PLEKHG3: variants seen among roughly 807,000 people sequenced by gnomAD.
PLEKHG3 encodes pleckstrin homology and RhoGEF domain containing G3, also known as pleckstrin homology domain-containing family G member 3.
Under a neutral mutation model 94.9 loss-of-function variants are expected in PLEKHG3, and 62 were observed. The observed-to-expected ratio is 0.65, with a 90% CI of 0.53 to 0.81. The LOEUF is 0.81. Ranked by LOEUF, PLEKHG3 falls within the 30% of genes least tolerant of loss-of-function variation. The pLI is 0.00. For missense variants in PLEKHG3, 1,461 were observed against 1,619.3 expected, an observed-to-expected ratio of 0.90 and a Z score of 1.68; for synonymous variants, 614 against 654.0, an observed-to-expected ratio of 0.94 and a Z score of 0.93.
chr14:64,735,568 C>T (rs1362489545), intron 12 of PLEKHG3, among the ~76,000 whole-genome samples: 4 of 152,338 alleles, frequency 2.6e-5, no homozygotes, highest in African/African-American at 9.6e-5. Context: ...GGATATCGTG[C>T]CCCTGCACCC....
At chr14:64,713,713 C>T (rs1200001638) in intron 1 of PLEKHG3, among the ~76,000 whole-genome samples, 1 of 151,984 alleles carries the variant, frequency 6.6e-6, no homozygotes, top group African/African-American at 2.4e-5. Context: ...ATCCTTAGTT[C>T]TAGAAAGTTC....
rs1430144205 is a variant in PLEKHG3 at position 64,722,392 on chromosome 14, A to G, written c.-39-5201A>G. Reference sequence around the variant, plus strand: ...CCCGGCTAATTTTTGTATTTTTAGTAGAGATGGGGTTTCCTCATATTGGTC... The same window carrying G: ...CCCGGCTAATTTTTGTATTTTTAGTGGAGATGGGGTTTCCTCATATTGGTC... On this transcript the variant is annotated intron_variant, in intron 1 of 16. Coordinates refer to ENST00000247226, the MANE Select transcript of PLEKHG3 (RefSeq NM_001308147.2). This position sits in a 1 kb window ranked among gnomAD's most constrained non-coding sequence, Gnocchi z 4.3. Among the ~76,000 whole-genome samples, 3 of 152,114 alleles carry G rather than the reference A, an allele frequency of 2.0e-5. No individual in the cohort carries two copies. Among genetic ancestry groups the G allele is most frequent in the Non-Finnish European group, 4.4e-5 (3 of 68,026 alleles).
intron 16 of PLEKHG3, 145 bp downstream of exon 16, chr14:64,742,600 G>T (rs1386863428): frequency 3.0e-6 from 2 of 656,494 alleles, no homozygotes; most frequent in Non-Finnish European, 5.1e-6. Context: ...AGGGCACAGG[G>T]TGAGCCCTGG....
In PLEKHG3 at chr14:64,747,829, C is replaced by T. The variant is rs994860150; in HGVS notation, c.*4126C>T. 3.1e-5 allele frequency: 4 copies of T among 130,952 alleles called. No individual in the cohort carries two copies. Among genetic ancestry groups the T allele is most frequent in the African/African-American group, 1.1e-4 (4 of 35,932 alleles). 8.1% of individuals were successfully genotyped at this position (130,952 alleles called of 1,614,324 possible). On this transcript the variant is annotated 3_prime_UTR_variant, in exon 17 of 17. Coordinates refer to ENST00000247226, the MANE Select transcript of PLEKHG3 (RefSeq NM_001308147.2). ...TCCCCCCCACCCCCGACCCGCTTGA[C>T]TGCTCTCTTGGACCTAACCCTAGTT...
intron 1 of PLEKHG3, among the ~76,000 whole-genome samples, chr14:64,707,960 A>G (rs1003770698): frequency 3.3e-5 from 5 of 152,262 alleles, no homozygotes; most frequent in African/African-American, 1.2e-4. Context: ...AGCAAAGACT[A>G]TAGAGAGGTT....
rs1253570631 is a variant in PLEKHG3, at chr14:64,730,701, G to T, written c.566+13G>T. 1.9e-6 allele frequency: 3 copies of T among 1,612,770 alleles called. No individual in the cohort carries two copies. Among genetic ancestry groups the T allele is most frequent in the South Asian group, 2.2e-5 (2 of 91,056 alleles). On this transcript the variant is annotated intron_variant, in intron 5 of 16. Transcript: ENST00000247226. This position sits in a 1 kb window ranked among gnomAD's most constrained non-coding sequence, Gnocchi z 5.4. ...ACAATTACCCCAAGTGAGTAATTGG[G>T]GTGAGAGGGAAGGCAGAGCCATTTG... is the stretch of plus-strand genomic sequence containing the variant.
At position 64,744,979 on chromosome 14, in the gene PLEKHG3, T is replaced by C. The variant is rs946925515; in HGVS notation, c.*1276T>C. The C allele has an allele frequency of 3.3e-5, 5 of 152,170 alleles. No homozygotes were observed. The highest frequency in any genetic ancestry group is 1.2e-4 in the African/African-American group (5 of 41,416). 9.4% of individuals were successfully genotyped at this position (152,170 alleles called of 1,614,324 possible). On this transcript the variant is annotated 3_prime_UTR_variant, in exon 17 of 17. Coordinates refer to ENST00000247226, the MANE Select transcript of PLEKHG3 (RefSeq NM_001308147.2). Reference sequence around the variant, plus strand: ...TTAGTAGAGACGGGGTTTCGCCGTGTTGACCAGGCTGGTCTCGAACTTCTG... The same window carrying C: ...TTAGTAGAGACGGGGTTTCGCCGTGCTGACCAGGCTGGTCTCGAACTTCTG...
chr14:64,727,083 A>C lies in PLEKHG3; in HGVS notation c.-39-510A>C, dbSNP rs1013553797. Among the ~76,000 whole-genome samples, 1 of 152,130 alleles carries C rather than the reference A, an allele frequency of 6.6e-6. No homozygotes were observed. Among genetic ancestry groups the C allele is most frequent in the Non-Finnish European group, 1.5e-5 (1 of 68,028 alleles). On this transcript the variant is annotated intron_variant, in intron 1 of 16. Transcript: ENST00000247226. The surrounding 1 kb of genome is among the most constrained non-coding windows in gnomAD (Gnocchi z 6.0). Reference sequence around the variant, plus strand: ...TGCCAGGCATCATGCTCAGAGCTTTACGAACAGCAGGTGGCTTCATCTGGG... The same window carrying C: ...TGCCAGGCATCATGCTCAGAGCTTTCCGAACAGCAGGTGGCTTCATCTGGG...
chr14:64,737,805 G>A (rs1594705875), intron 14 of PLEKHG3: 2 of 948,660 alleles, frequency 2.1e-6, no homozygotes, highest in Non-Finnish European at 2.7e-6. Flanking sequence ...GCTGCCTGCA[G>A]GAGGACGGGA....
At position 64,732,300 on chromosome 14, in the gene PLEKHG3, T is replaced by C. The variant is rs1028121584; in HGVS notation, c.1212+119T>C. 2 of 1,218,428 alleles carry C rather than the reference T, an allele frequency of 1.6e-6. No homozygotes were observed. Among genetic ancestry groups the C allele is most frequent in the African/African-American group, 1.5e-5 (1 of 67,240 alleles). 75.5% of individuals were successfully genotyped at this position (1,218,428 alleles called of 1,614,324 possible). A position where few individuals can be genotyped will look rare whatever the true frequency, so the allele number is the denominator to read the frequency against. On this transcript the variant is annotated intron_variant, in intron 10 of 16. Transcript: ENST00000247226. The surrounding 1 kb of genome is among the most constrained non-coding windows in gnomAD (Gnocchi z 4.9). ...GGCTCCAGTGGACAGTGAGTGTCAG[T>C]ACAGCAGATGCCCCGGGCCTTGGTG...
At chr14:64,740,368 CAA>C (rs1009427011) in intron 15 of PLEKHG3, among the ~76,000 whole-genome samples, 1 of 152,216 alleles carries the variant, frequency 6.6e-6, no homozygotes, top group Non-Finnish European at 1.5e-5. Flanking sequence ...TCAAGGTGGT[CAA>C]GAGGGAATTC....
In PLEKHG3 at chr14:64,747,993, G is replaced by A. The variant is rs2081874770; in HGVS notation, c.*4290G>A. On this transcript the variant is annotated 3_prime_UTR_variant, in exon 17 of 17. Coordinates refer to ENST00000247226, the MANE Select transcript of PLEKHG3 (RefSeq NM_001308147.2). ...GGGGACGTTGGTTGCAGAGCTTCTG[G>A]TGCTCAGGGCTGGAGGGTGGTAGAT... is the stretch of plus-strand genomic sequence containing the variant. The A allele has an allele frequency of 6.6e-6, 1 of 152,152 alleles. No homozygotes were observed. The highest frequency in any genetic ancestry group is 1.5e-5 in the Non-Finnish European group (1 of 68,074). 9.4% of individuals were successfully genotyped at this position (152,152 alleles called of 1,614,324 possible). A position where few individuals can be genotyped will look rare whatever the true frequency, so the allele number is the denominator to read the frequency against.
rs1444028820 is a variant in PLEKHG3, at chr14:64,750,187, T to A, written c.*6484T>A. The A allele has an allele frequency of 1.9e-6, 3 of 1,605,248 alleles. No homozygotes were observed. In the Admixed American group the frequency reaches 5.0e-5, roughly 27 times the overall value. On this transcript the variant is annotated 3_prime_UTR_variant, in exon 17 of 17. Coordinates refer to ENST00000247226, the MANE Select transcript of PLEKHG3 (RefSeq NM_001308147.2). ...GATGCAGACAGGCAGGTCACCCACA[T>A]CCTGATATGGTATCTCTAGAGTCAA...
In PLEKHG3 at chr14:64,743,490, G is replaced by T; in HGVS notation, c.3447G>T (p.Lys1149Asn). 1 of 1,613,212 alleles carries T rather than the reference G, an allele frequency of 6.2e-7. No individual in the cohort carries two copies. The change falls in exon 17 of 17, where the codon AAG (lysine) becomes AAT (asparagine). Residue 1149 changes from lysine to asparagine, a missense_variant. Transcript: ENST00000247226. This position sits in a 1 kb window ranked among gnomAD's most constrained non-coding sequence, Gnocchi z 7.2. ...ACCGGCGGGTGATTGTCATGGAGAA[G>T]GGACCCCTTCCCAGCCCCACTGCAG... is the stretch of plus-strand genomic sequence containing the variant. ...EDNRRVIVME[K>N]GPLPSPTAGL...
chr14:64,723,376 G>A lies in PLEKHG3; in HGVS notation c.-39-4217G>A, dbSNP rs2081298277. Among the ~76,000 whole-genome samples the A allele has an allele frequency of 6.6e-6, 1 of 152,128 alleles. No homozygotes were observed. Among genetic ancestry groups the A allele is most frequent in the African/African-American group, 2.4e-5 (1 of 41,414 alleles). ...TCGCTTGAGGTCGAGGCTGCAATGA[G>A]CTGTGATTGCACCACTGCACTCCAG... On this transcript the variant is annotated intron_variant, in intron 1 of 16. Transcript: ENST00000247226. This position sits in a 1 kb window ranked among gnomAD's most constrained non-coding sequence, Gnocchi z 4.5.
chr14:64,729,875 G>C (rs1337355406), intron 3 of PLEKHG3, among the ~76,000 whole-genome samples: 1 of 152,170 alleles, frequency 6.6e-6, no homozygotes, highest in African/African-American at 2.4e-5. Context: ...CATCCTGGGC[G>C]CCCTGGCTCC....
chr14:64,732,566 A>C lies in PLEKHG3; in HGVS notation c.1246+106A>C. On this transcript the variant is annotated intron_variant, in intron 11 of 16. Coordinates refer to ENST00000247226, the MANE Select transcript of PLEKHG3 (RefSeq NM_001308147.2). This position sits in a 1 kb window ranked among gnomAD's most constrained non-coding sequence, Gnocchi z 4.9. ...TGATAATTTTATTCCAGGAGCAGGG[A>C]GGGCGGGGGTCTCCTGTTAAGGGCT... The C allele has an allele frequency of 1.2e-6, 1 of 840,618 alleles. No homozygotes were observed. Among genetic ancestry groups the C allele is most frequent in the Non-Finnish European group, 2.0e-6 (1 of 490,858 alleles). The allele number at this position is 840,618 out of a possible 1,614,324, so 52.1% of individuals were successfully genotyped here. A position where few individuals can be genotyped will look rare whatever the true frequency, so the allele number is the denominator to read the frequency against.
Position 64,716,489 on chromosome 14 carries a change from C to CA in PLEKHG3, c.-39-11103dup, listed in dbSNP as rs1566694068. ...ACAACACACACACACACAACACACA[C>CA]ACACACAACACACACACACACACAC... On this transcript the variant is annotated intron_variant, in intron 1 of 16. Transcript: ENST00000247226. This position sits in a 1 kb window ranked among gnomAD's most constrained non-coding sequence, Gnocchi z 5.0. 1.4e-3 allele frequency among the ~76,000 whole-genome samples: 149 copies of CA among 106,420 alleles called. No individual in the cohort carries two copies. Among genetic ancestry groups the CA allele is most frequent in the Non-Finnish European group, 2.2e-3 (112 of 51,808 alleles). The allele number at this position is 106,420 out of a possible 152,430, so 69.8% of individuals were successfully genotyped here. A position where few individuals can be genotyped will look rare whatever the true frequency, so the allele number is the denominator to read the frequency against.
intron 12 of PLEKHG3, among the ~76,000 whole-genome samples, chr14:64,734,444 T>G (rs2081531826): frequency 6.6e-6 from 1 of 152,204 alleles, no homozygotes; most frequent in Admixed American, 6.5e-5. Flanking sequence ...AAACTTTAGC[T>G]ATGGATGTAC....
Sources: allele counts gnomAD v4.1 joint callset (sites outside exome capture counted in the v4.1 genomes callset), GRCh38; gene constraint gnomAD v4.1.1; non-coding constraint Gnocchi (gnomAD v3.1); transcripts MANE v1.5; gene names NCBI Gene and HGNC (gene_info 2026-07-23, HGNC 2026-07-21).